The following PLXNC1 variants were observed in gnomAD, a reference collection of about 807,000 sequenced individuals.
The protein encoded by PLXNC1 is plexin-C1.
A neutral mutation model predicts 178.2 loss-of-function variants in PLXNC1; 75 were observed. The observed-to-expected ratio is 0.42, with a 90% CI of 0.35 to 0.51. The LOEUF is 0.51. PLXNC1 is among the 20% of genes least tolerant of loss of function. The probability of loss-of-function intolerance (pLI) is 0.02; values close to 1 mark genes in which losing one functional copy is unlikely to be tolerated. For missense variants in PLXNC1, 1,503 were observed against 1,984.4 expected (o/e 0.76, Z 4.61); for synonymous variants, 790 against 779.9 (o/e 1.01, Z -0.22).
At chr12:94,259,284 C>G (rs1964932832) in intron 17 of PLXNC1, 53 bp from the exon 18 acceptor site, 3 of 1,357,516 alleles carry the variant, frequency 2.2e-6, no homozygotes, top group Non-Finnish European at 2.1e-6. Flanking sequence ...CAAAAATACA[C>G]TCTTCATTTC....
chr12:94,197,434 C>CTCTCTCTCT (rs1565805265), intron 4 of PLXNC1, among the ~76,000 whole-genome samples: 2 of 10,538 alleles, frequency 1.9e-4, no homozygotes, highest in African/African-American at 4.3e-4. Context: ...ACATTAGGCC[C>CTCTCTCTCT]CTTTCTCTCT....
chr12:94,289,149 T>C (rs1967010678), intron 23 of PLXNC1, among the ~76,000 whole-genome samples: 1 of 152,330 alleles, frequency 6.6e-6, no homozygotes, highest in East Asian at 1.9e-4. Flanking sequence ...ACATGGTATC[T>C]TATAAAGAAA....
chr12:94,254,815 G>A lies in PLXNC1; in HGVS notation c.2910G>A (p.Ser970=), dbSNP rs774593241. The A allele has an allele frequency of 5.0e-6, 8 of 1,607,188 alleles. No individual in the cohort carries two copies. The highest frequency in any genetic ancestry group is 2.2e-5 in the East Asian group (1 of 44,848). ...FAAVGVTRHK[S]KELSRKQSQQ... ...CCGTGGGGGTGACCAGGCACAAATC[G>A]AAGGAGCTGAGTCGCAAACAGAGTC... The change falls in exon 16 of 31, where the codon TCG becomes TCA. Residue 970 remains serine, a synonymous_variant. Transcript: ENST00000258526.
At chr12:94,205,550 A>T (rs1463463336) in intron 4 of PLXNC1, among the ~76,000 whole-genome samples, 1 of 152,242 alleles carries the variant, frequency 6.6e-6, no homozygotes, top group African/African-American at 2.4e-5. Flanking sequence ...TTAGAAACAG[A>T]TGGTTTGCAA....
intron 4 of PLXNC1, among the ~76,000 whole-genome samples, chr12:94,205,552 G>A (rs1327221305): frequency 3.9e-5 from 6 of 152,114 alleles, no homozygotes; most frequent in African/African-American, 1.2e-4. Flanking sequence ...AGAAACAGAT[G>A]GTTTGCAAGA....
Position 94,149,047 on chromosome 12 carries a change from C to A in PLXNC1, c.76C>A (p.Leu26Met). Reference protein sequence around the residue: ...AAPLPLLAYLLALAAPGRGAD... With the variant: ...AAPLPLLAYLMALAAPGRGAD... The stretch of plus-strand genomic sequence containing the variant: ...GCCACTGCCCCTGCTCGCCTATCTG[C>A]TGGCACTGGCGGCTCCCGGCCGGGG... The change falls in exon 1 of 31, where the codon CTG becomes ATG. Residue 26 changes from leucine to methionine, a missense_variant. By Grantham distance (15) the Leu-to-Met change is conservative. Coordinates refer to ENST00000258526, the MANE Select transcript of PLXNC1 (RefSeq NM_005761.3). The A allele has an allele frequency of 6.5e-7, 1 of 1,529,818 alleles. No homozygotes were observed. Among genetic ancestry groups the A allele is most frequent in the South Asian group, 1.2e-5 (1 of 82,890 alleles). The allele number at this position is 1,529,818 out of a possible 1,614,324, so 94.8% of individuals were successfully genotyped here.
chr12:94,219,240 A>G (rs981868705), intron 5 of PLXNC1, among the ~76,000 whole-genome samples: 1 of 152,234 alleles, frequency 6.6e-6, no homozygotes, highest in African/African-American at 2.4e-5. Context: ...GTAGATCAAT[A>G]GATTATTAGA....
Position 94,251,421 on chromosome 12 carries a change from A to T in PLXNC1, c.2779-5A>T, listed in dbSNP as rs1453656832. ...TGGGTCTAATGACATTCTTTGTCCCATCAGGTCAAGCTGGGAAACCTGGAG... is the reference window on the plus strand; with the variant it reads ...TGGGTCTAATGACATTCTTTGTCCCTTCAGGTCAAGCTGGGAAACCTGGAG... On this transcript the variant is annotated splice_region_variant and splice_polypyrimidine_tract_variant and intron_variant, in intron 14 of 30. Coordinates refer to ENST00000258526, the MANE Select transcript of PLXNC1 (RefSeq NM_005761.3). 6.3e-7 allele frequency: 1 copy of T among 1,579,292 alleles called. No homozygotes were observed. Among genetic ancestry groups the T allele is most frequent in the South Asian group, 1.1e-5 (1 of 90,424 alleles).
chr12:94,197,318 T>C (rs1405154058), intron 4 of PLXNC1, among the ~76,000 whole-genome samples: 2 of 152,212 alleles, frequency 1.3e-5, no homozygotes, highest in Non-Finnish European at 2.9e-5. Context: ...GATTAGGTCA[T>C]GAGGACTCTG....
chr12:94,242,900 G>A (rs1423236360), intron 11 of PLXNC1, among the ~76,000 whole-genome samples: 1 of 152,216 alleles, frequency 6.6e-6, no homozygotes, highest in African/African-American at 2.4e-5. Context: ...GGTACTAGGA[G>A]GTTGGGCTCT....
intron 9 of PLXNC1, among the ~76,000 whole-genome samples, chr12:94,233,329 G>A (rs1964160041): frequency 6.6e-6 from 1 of 152,184 alleles, no homozygotes; most frequent in Admixed American, 6.5e-5. Context: ...ACTTTGAGGG[G>A]CTGGGTTTAA....
At chr12:94,304,615 C>A (rs1968812329) in intron 30 of PLXNC1, among the ~76,000 whole-genome samples, 1 of 152,098 alleles carries the variant, frequency 6.6e-6, no homozygotes, top group Non-Finnish European at 1.5e-5. Context: ...CATGCTGGGA[C>A]AGGCTATCCA....
At chr12:94,283,576 A>G (rs149198036) in intron 23 of PLXNC1, among the ~76,000 whole-genome samples, 93 of 152,296 alleles carry the variant, frequency 6.1e-4, no homozygotes, top group African/African-American at 2.2e-3. Flanking sequence ...TATTACTCAA[A>G]TCAGTCTCCC....
chr12:94,232,994 A>G (rs1302420233), intron 9 of PLXNC1, among the ~76,000 whole-genome samples: 2 of 152,208 alleles, frequency 1.3e-5, no homozygotes, highest in African/African-American at 2.4e-5. Flanking sequence ...GATGATATTA[A>G]TAAAAGTCAG....
chr12:94,270,068 G>T (rs1312532838), intron 21 of PLXNC1, among the ~76,000 whole-genome samples: 2 of 152,118 alleles, frequency 1.3e-5, no homozygotes, highest in Admixed American at 6.5e-5. Flanking sequence ...ACTCTATTAT[G>T]TTATTGTTAG....
intron 4 of PLXNC1, among the ~76,000 whole-genome samples, chr12:94,203,515 T>C (rs185426018): frequency 1.1e-4 from 16 of 152,244 alleles, no homozygotes; most frequent in Non-Finnish European, 2.2e-4. Flanking sequence ...TATATGTTCA[T>C]GTCTTGGAAG....
chr12:94,257,501 C>CGGTG (rs1375195173), intron 17 of PLXNC1, among the ~76,000 whole-genome samples: 1 of 152,126 alleles, frequency 6.6e-6, no homozygotes, highest in African/African-American at 2.4e-5. Context: ...GGTCCAGGCG[C>CGGTG]GGTGGCTCAA....
chr12:94,303,658 G>T (rs1309458309), intron 28 of PLXNC1, 98 bp from the exon 29 acceptor site: 13 of 1,090,522 alleles, frequency 1.2e-5, no homozygotes, highest in Non-Finnish European at 1.6e-5. Context: ...GGTGGTGGGG[G>T]TTCAGCTACA....
intron 14 of PLXNC1, among the ~76,000 whole-genome samples, chr12:94,248,820 A>G (rs909445804): frequency 6.6e-6 from 1 of 152,240 alleles, no homozygotes; most frequent in Non-Finnish European, 1.5e-5. Flanking sequence ...TCTGGGTAGC[A>G]TTAGAATCAG....
Sources: allele counts gnomAD v4.1 joint callset (sites outside exome capture counted in the v4.1 genomes callset), GRCh38; gene constraint gnomAD v4.1.1; transcripts MANE v1.5; gene names NCBI Gene and HGNC (gene_info 2026-07-23, HGNC 2026-07-21).